Variants in GGNBP2 observed in about 807,000 individuals in gnomAD.
The protein encoded by GGNBP2 is gametogenetin-binding protein 2.
A neutral mutation model predicts 85.9 loss-of-function variants in GGNBP2; 10 were observed. That is an observed-to-expected ratio of 0.12 (90% confidence interval 0.07 to 0.20). GGNBP2 has a LOEUF of 0.20. Among genes scored for constraint, GGNBP2 ranks in the 10% least tolerant of loss-of-function variants. The probability of loss-of-function intolerance (pLI) is 1.00; values close to 1 mark genes in which losing one functional copy is unlikely to be tolerated. For missense variants in GGNBP2, 595 were observed against 857.8 expected, an observed-to-expected ratio of 0.69 and a Z score of 3.83; for synonymous variants, 287 against 285.7, an observed-to-expected ratio of 1.00 and a Z score of -0.05.
At chr17:36,586,864 C>T (rs1760287265) in intron 12 of GGNBP2, 133 bp from the exon 13 acceptor site, 1 of 837,840 alleles carries the variant, frequency 1.2e-6, no homozygotes, top group Non-Finnish European at 1.8e-6. Context: ...GGTGATCCAC[C>T]TGCCTCGGCC....
chr17:36,562,737 C>A lies in GGNBP2; in HGVS notation c.527+1866C>A, dbSNP rs994800553. On this transcript the variant is annotated intron_variant, in intron 5 of 13. Coordinates refer to ENST00000613102, the MANE Select transcript of GGNBP2 (RefSeq NM_024835.5). ...ATCCCAGCACTTTTGGAGGCCGAGA[C>A]GAGCAGATCACAAGGTCAGGAGTTC... 2.7e-5 allele frequency among the ~76,000 whole-genome samples: 4 copies of A among 147,724 alleles called. No individual in the cohort carries two copies. In the East Asian group the frequency reaches 8.1e-4, roughly 30 times the overall value.
chr17:36,568,317 G>C (rs1325088906), intron 6 of GGNBP2, among the ~76,000 whole-genome samples: 2 of 150,466 alleles, frequency 1.3e-5, no homozygotes, highest in Non-Finnish European at 3.0e-5. Flanking sequence ...TTCTTTTTGA[G>C]ACAGAGTTGC....
At chr17:36,553,918 A>G (rs2074335116) in intron 2 of GGNBP2, among the ~76,000 whole-genome samples, 1 of 152,194 alleles carries the variant, frequency 6.6e-6, no homozygotes, top group Non-Finnish European at 1.5e-5. Flanking sequence ...TGACATAGTG[A>G]AGCCTCCTTA....
intron 6 of GGNBP2, among the ~76,000 whole-genome samples, chr17:36,574,183 G>A (rs913330507): frequency 6.6e-6 from 1 of 152,140 alleles, no homozygotes; most frequent in Non-Finnish European, 1.5e-5. Flanking sequence ...CAGTGGGCCC[G>A]TAAGATTATA....
intron 10 of GGNBP2, 88 bp from the exon 11 acceptor site, chr17:36,585,752 A>T: frequency 1.7e-6 from 2 of 1,172,180 alleles, no homozygotes; most frequent in Non-Finnish European, 2.4e-6. Flanking sequence ...TAATTATGAG[A>T]TTTTTCTGTG....
chr17:36,545,401 CGGCGGGCGGGCG>C (rs917556965), intron 1 of GGNBP2: 13 of 172,504 alleles, frequency 7.5e-5, no homozygotes, highest in African/African-American at 4.5e-4. Context: ...GACTGGAGGC[CGGCGGGCGGGCG>C]GGCGGGCGGG....
chr17:36,585,818 C>T lies in GGNBP2; in HGVS notation c.1367-22C>T, dbSNP rs771497877. ...ATACTTATTGGTATGTTAATAGTAA[C>T]TCTCACTTGATTTATTCTCAGGCTT... On this transcript the variant is annotated intron_variant, in intron 10 of 13. Transcript: ENST00000613102. 9 of 1,606,310 alleles carry T rather than the reference C, an allele frequency of 5.6e-6. No individual in the cohort carries two copies. In the South Asian group the frequency reaches 8.8e-5, roughly 16 times the overall value.
At chr17:36,548,556 G>T (rs1036111260) in intron 2 of GGNBP2, among the ~76,000 whole-genome samples, 1 of 143,332 alleles carries the variant, frequency 7.0e-6, no homozygotes, top group Non-Finnish European at 1.5e-5. Context: ...TGGAGGTTGC[G>T]GTGAGCCGAG....
Position 36,579,434 on chromosome 17 carries a change from C to T in GGNBP2, c.1020+15C>T. ...AGAGTTTTGAGGTAAGAACAGTGGGCTGTTCCAGTATCTCAGATTGCTTAG... is the reference window on the plus strand; with the variant it reads ...AGAGTTTTGAGGTAAGAACAGTGGGTTGTTCCAGTATCTCAGATTGCTTAG... On this transcript the variant is annotated intron_variant, in intron 8 of 13. Coordinates refer to ENST00000613102, the MANE Select transcript of GGNBP2 (RefSeq NM_024835.5). 6.2e-7 allele frequency: 1 copy of T among 1,611,450 alleles called. No homozygotes were observed. Among genetic ancestry groups the T allele is most frequent in the Non-Finnish European group, 8.5e-7 (1 of 1,177,768 alleles).
chr17:36,548,174 A>G (rs1394915616), intron 2 of GGNBP2, among the ~76,000 whole-genome samples: 1 of 152,254 alleles, frequency 6.6e-6, no homozygotes, highest in African/African-American at 2.4e-5. Flanking sequence ...GGATTTTGAT[A>G]GTAGCTAAAT....
chr17:36,561,728 G>T (rs1303805791), intron 5 of GGNBP2, among the ~76,000 whole-genome samples: 1 of 151,428 alleles, frequency 6.6e-6, no homozygotes, highest in East Asian at 2.0e-4. Flanking sequence ...GGTTCAAGCT[G>T]TTCTCCTGCC....
intron 4 of GGNBP2, among the ~76,000 whole-genome samples, chr17:36,558,706 T>C (rs1430318234): frequency 6.6e-6 from 1 of 151,876 alleles, no homozygotes; most frequent in Admixed American, 6.6e-5. Context: ...TCTGCCCGCC[T>C]TGGACTCCCA....
intron 5 of GGNBP2, among the ~76,000 whole-genome samples, chr17:36,563,310 T>C (rs1310115134): frequency 6.6e-6 from 1 of 151,998 alleles, no homozygotes; most frequent in Non-Finnish European, 1.5e-5. Flanking sequence ...ATTAGTAAAA[T>C]TGTCAAACAT....
In GGNBP2 at chr17:36,545,905, G is replaced by C. The variant is rs752149114; in HGVS notation, c.93+88G>C. ...TCCCCCAGGCCGAGCGCTGCGCACT[G>C]GAGAAAGAGTGTGTTGCAACTCCTA... On this transcript the variant is annotated intron_variant, in intron 2 of 13. Transcript: ENST00000613102. 1.3e-5 allele frequency: 12 copies of C among 922,830 alleles called. No individual in the cohort carries two copies. In the South Asian group the frequency reaches 1.9e-4, roughly 14 times the overall value. 57.2% of individuals were successfully genotyped at this position (922,830 alleles called of 1,614,324 possible). A position where few individuals can be genotyped will look rare whatever the true frequency, so the allele number is the denominator to read the frequency against.
intron 3 of GGNBP2, among the ~76,000 whole-genome samples, chr17:36,556,413 C>CA (rs992024957): frequency 5.3e-5 from 8 of 151,716 alleles, no homozygotes; most frequent in South Asian, 4.2e-4. Context: ...CAAAACAAAA[C>CA]AAAAAAAACA....
rs745771643 is a variant in GGNBP2, at chr17:36,557,201, G to T, written c.293G>T (p.Arg98Leu). 6.2e-7 allele frequency: 1 copy of T among 1,614,032 alleles called. No individual in the cohort carries two copies. Among genetic ancestry groups the T allele is most frequent in the Admixed American group, 1.7e-5 (1 of 59,986 alleles). The stretch of plus-strand genomic sequence containing the variant: ...GTTGGTTGTCGTCGCAGTGTGGAGC[G>T]TCTCTTTTCCCAGCTTGTAGAGTCT... ...PCVGCRRSVE[R>L]LFSQLVESGN... The change falls in exon 4 of 14, where the codon CGT (arginine) becomes CTT (leucine). Residue 98 changes from arginine to leucine, a missense_variant. Coordinates refer to ENST00000613102, the MANE Select transcript of GGNBP2 (RefSeq NM_024835.5).
intron 2 of GGNBP2, 107 bp downstream of exon 2, chr17:36,545,924 AC>A: frequency 1.3e-6 from 1 of 767,380 alleles, no homozygotes; most frequent in African/African-American, 1.8e-5. Flanking sequence ...GTGTGTTGCA[AC>A]TCCTAGGCGA....
chr17:36,576,832 T>G (rs1276338660), intron 6 of GGNBP2: 3 of 151,870 alleles, frequency 2.0e-5, no homozygotes, highest in African/African-American at 7.3e-5. Context: ...CCTGGGTGAC[T>G]CTGAATGGCT....
chr17:36,581,463 A>G lies in GGNBP2; in HGVS notation c.1140A>G (p.Arg380=). 2 of 1,614,040 alleles carry G rather than the reference A, an allele frequency of 1.2e-6. No homozygotes were observed. Among genetic ancestry groups the G allele is most frequent in the East Asian group, 2.2e-5 (1 of 44,890 alleles). The change falls in exon 9 of 14, where the codon AGA becomes AGG. Residue 380 remains arginine, a synonymous_variant. Coordinates refer to ENST00000613102, the MANE Select transcript of GGNBP2 (RefSeq NM_024835.5). Reference sequence around the variant, plus strand: ...AGAAACGCCAAAAACGGAAGAATAGACGAAAAAATAAGTGTGTGTGTGATA... The same window carrying G: ...AGAAACGCCAAAAACGGAAGAATAGGCGAAAAAATAAGTGTGTGTGTGATA... ...QEKKRQKRKN[R]RKNKCVCDIP... is the part of the protein sequence containing the mutation.
Sources: gnomAD v4.1 joint callset for allele counts (sites outside exome capture counted in the v4.1 genomes callset) on GRCh38, gnomAD v4.1.1 for gene constraint, MANE v1.5 for transcripts, NCBI Gene and HGNC (gene_info 2026-07-23, HGNC 2026-07-21) for gene names.